ANKIB1: variants seen among roughly 807,000 people sequenced by gnomAD.
The protein encoded by ANKIB1 is ankyrin repeat and IBR domain containing 1.
ANKIB1 carries 43 observed loss-of-function variants against 122.1 expected under a neutral mutation model. The ratio of observed to expected loss-of-function variants is 0.35; its 90% confidence interval spans 0.28 to 0.45. The LOEUF is 0.45. Ranked by LOEUF, ANKIB1 falls within the 20% of genes least tolerant of loss-of-function variation. The pLI, the probability that ANKIB1 is intolerant of heterozygous loss-of-function variation, is 1.00. For missense variants in ANKIB1, 992 were observed against 1,329.5 expected (o/e 0.75, Z 3.95); for synonymous variants, 390 against 442.0 (o/e 0.88, Z 1.48).
intron 2 of ANKIB1, among the ~76,000 whole-genome samples, chr7:92,306,624 CTA>C (rs1802567777): frequency 6.6e-6 from 1 of 152,066 alleles, no homozygotes; most frequent in African/African-American, 2.4e-5. Flanking sequence ...AAGAAGGCCT[CTA>C]TGAGGAATGA....
At chr7:92,246,876 G>A (rs1338172924) in intron 1 of ANKIB1, among the ~76,000 whole-genome samples, 1 of 152,190 alleles carries the variant, frequency 6.6e-6, no homozygotes, top group African/African-American at 2.4e-5. Context: ...TGCCGACCTC[G>A]GGGGCTAGAG....
intron 1 of ANKIB1, among the ~76,000 whole-genome samples, chr7:92,269,545 C>G (rs1035260476): frequency 2.0e-5 from 3 of 152,138 alleles, no homozygotes; most frequent in African/African-American, 7.2e-5. Flanking sequence ...TAAGAAAGCT[C>G]TGTAAGGAAA....
At chr7:92,381,115 A>G (rs939836353) in intron 11 of ANKIB1, among the ~76,000 whole-genome samples, 3 of 151,704 alleles carry the variant, frequency 2.0e-5, no homozygotes, top group Admixed American at 2.0e-4. Context: ...CGCATGCATA[A>G]GCTTCAAGTG....
At chr7:92,333,004 C>T (rs1167783051) in intron 5 of ANKIB1, among the ~76,000 whole-genome samples, 3 of 152,122 alleles carry the variant, frequency 2.0e-5, no homozygotes, top group Non-Finnish European at 4.4e-5. Context: ...ACTGGGTATT[C>T]GAGGCAGAAA....
At chr7:92,388,337 T>C (rs906502830) in intron 14 of ANKIB1, among the ~76,000 whole-genome samples, 1 of 152,206 alleles carries the variant, frequency 6.6e-6, no homozygotes, top group South Asian at 2.1e-4. Context: ...TTGGGAAAAG[T>C]GGATGGGTAC....
chr7:92,308,717 A>G (rs1196607363), intron 3 of ANKIB1, among the ~76,000 whole-genome samples: 2 of 152,156 alleles, frequency 1.3e-5, no homozygotes, highest in African/African-American at 4.8e-5. Flanking sequence ...AGGAATCATT[A>G]TATAGTATCG....
At position 92,309,938 on chromosome 7, in the gene ANKIB1, A is replaced by AT. The variant is rs961914373; in HGVS notation, c.486+2282_486+2283insT. Among the ~76,000 whole-genome samples the AT allele has an allele frequency of 7.3e-3, 817 of 112,322 alleles. 5 individuals are homozygous for AT. Among genetic ancestry groups the AT allele is most frequent in the Non-Finnish European group, 0.01 (571 of 55,348 alleles). The allele number at this position is 112,322 out of a possible 152,430, so 73.7% of individuals were successfully genotyped here. A position where few individuals can be genotyped will look rare whatever the true frequency, so the allele number is the denominator to read the frequency against. ...AGACTCCATCTAAAAAAAAAAAAAA[A>AT]AAAAATATATATATATATATATATA... On this transcript the variant is annotated intron_variant, in intron 3 of 19. Coordinates refer to ENST00000265742, the MANE Select transcript of ANKIB1 (RefSeq NM_019004.2).
chr7:92,399,120 C>T lies in ANKIB1; in HGVS notation c.*171C>T. 1 of 644,170 alleles carries T rather than the reference C, an allele frequency of 1.6e-6. No homozygotes were observed. Among genetic ancestry groups the T allele is most frequent in the Non-Finnish European group, 2.3e-6 (1 of 433,604 alleles). 39.9% of individuals were successfully genotyped at this position (644,170 alleles called of 1,614,324 possible). A position where few individuals can be genotyped will look rare whatever the true frequency, so the allele number is the denominator to read the frequency against. On this transcript the variant is annotated 3_prime_UTR_variant, in exon 20 of 20. Transcript: ENST00000265742. Reference sequence around the variant, plus strand: ...TGGTAGCTTCATTTTTTATTTTAACCTTACAGGGAATTTCCTTTGTACTTA... The same window carrying T: ...TGGTAGCTTCATTTTTTATTTTAACTTTACAGGGAATTTCCTTTGTACTTA...
intron 3 of ANKIB1, among the ~76,000 whole-genome samples, chr7:92,318,852 AT>A (rs2131948060): frequency 6.6e-6 from 1 of 152,290 alleles, no homozygotes; most frequent in East Asian, 1.9e-4. Context: ...GCTCATCCTA[AT>A]TTCATTTCAG....
intron 1 of ANKIB1, among the ~76,000 whole-genome samples, chr7:92,288,030 C>T (rs186666958): frequency 0.016 from 1,887 of 117,566 alleles, 36 homozygotes; most frequent in African/African-American, 0.051. Flanking sequence ...AGCAAGACTC[C>T]GTCTCAAAAA....
At chr7:92,270,093 A>G (rs184043091) in intron 1 of ANKIB1, among the ~76,000 whole-genome samples, 4 of 152,054 alleles carry the variant, frequency 2.6e-5, no homozygotes, top group East Asian at 1.9e-4. Context: ...ATAGGGTCTC[A>G]CTGTTGTCAC....
At chr7:92,298,340 TTA>T (rs1562774801) in intron 2 of ANKIB1, among the ~76,000 whole-genome samples, 4 of 151,868 alleles carry the variant, frequency 2.6e-5, no homozygotes, top group African/African-American at 9.7e-5. Flanking sequence ...ATATCAAATA[TTA>T]TATGTGATTA....
At chr7:92,395,445 A>G (rs1446795427) in intron 17 of ANKIB1, among the ~76,000 whole-genome samples, 2 of 152,146 alleles carry the variant, frequency 1.3e-5, no homozygotes, top group Non-Finnish European at 2.9e-5. Flanking sequence ...CCCAAAGAAT[A>G]GAAAATCCAA....
At chr7:92,368,573 T>A (rs573432599) in intron 10 of ANKIB1, among the ~76,000 whole-genome samples, 3 of 151,968 alleles carry the variant, frequency 2.0e-5, no homozygotes, top group Non-Finnish European at 4.4e-5. Context: ...AAAAAAAAAT[T>A]AGCCAGGTGT....
intron 7 of ANKIB1, among the ~76,000 whole-genome samples, chr7:92,350,364 TTTTCAGATTG>T (rs1225112267): frequency 6.6e-6 from 1 of 152,164 alleles, no homozygotes; most frequent in African/African-American, 2.4e-5. Context: ...TAAAAATACT[TTTTCAGATTG>T]TTTCAGATTT....
intron 1 of ANKIB1, among the ~76,000 whole-genome samples, chr7:92,274,710 G>A (rs1212047253): frequency 2.0e-5 from 3 of 152,148 alleles, no homozygotes; most frequent in African/African-American, 7.2e-5. Flanking sequence ...ACTTTGGGAG[G>A]CCAAGGCGGG....
chr7:92,327,973 A>C (rs1203052073), intron 5 of ANKIB1, 73 bp downstream of exon 5: 1 of 963,398 alleles, frequency 1.0e-6, no homozygotes, highest in South Asian at 1.6e-5. Flanking sequence ...TAAAAGGGCT[A>C]TTTTTGTATT....
chr7:92,378,617 C>A (rs1419916628), intron 11 of ANKIB1, among the ~76,000 whole-genome samples: 2 of 151,948 alleles, frequency 1.3e-5, no homozygotes, highest in African/African-American at 4.8e-5. Context: ...TAGAGTCACT[C>A]CCACTAAATT....
chr7:92,352,235 A>G (rs972094769), intron 8 of ANKIB1, among the ~76,000 whole-genome samples: 3 of 152,188 alleles, frequency 2.0e-5, no homozygotes, highest in Non-Finnish European at 2.9e-5. Context: ...TGGTTTTTAG[A>G]TTAAAGAAAA....
Sources: allele counts gnomAD v4.1 joint callset (sites outside exome capture counted in the v4.1 genomes callset), GRCh38; gene constraint gnomAD v4.1.1; transcripts MANE v1.5; gene names NCBI Gene and HGNC (gene_info 2026-07-23, HGNC 2026-07-21).